The following MED25 variants were observed in gnomAD, a reference collection of about 807,000 sequenced individuals.
MED25 encodes mediator of RNA polymerase II transcription subunit 25.
Under a neutral mutation model 89.4 loss-of-function variants are expected in MED25, and 62 were observed. The observed-to-expected ratio is 0.69, with a 90% CI of 0.57 to 0.86. The LOEUF (loss-of-function observed/expected upper bound fraction) is 0.86. Ranked by LOEUF, MED25 falls within the 40% of genes least tolerant of loss-of-function variation. The probability of loss-of-function intolerance (pLI) is 0.00; values close to 1 mark genes in which losing one functional copy is unlikely to be tolerated. For missense variants in MED25, 905 were observed against 1,005.2 expected (o/e 0.90, Z 1.35); for synonymous variants, 449 against 427.9 (o/e 1.05, Z -0.61).
chr19:49,837,067 A>G (rs1050420594), downstream of MED25: 5 of 839,422 alleles, frequency 6.0e-6, no homozygotes, highest in Non-Finnish European at 8.0e-6. Context: ...ACTTCAGCAG[A>G]CATCCCTGGG....
intron 12 of MED25, 69 bp downstream of exon 12, chr19:49,832,226 T>C: frequency 6.4e-7 from 1 of 1,563,178 alleles, no homozygotes; most frequent in Non-Finnish European, 8.7e-7. Flanking sequence ...TCCTGTTCCC[T>C]GCCCCACCCC....
At chr19:49,822,192 G>A (rs1266438028) in intron 3 of MED25, among the ~76,000 whole-genome samples, 3 of 150,986 alleles carry the variant, frequency 2.0e-5, no homozygotes, top group African/African-American at 4.9e-5. Flanking sequence ...GAACCCAGGA[G>A]GCGGAGTTTG....
At chr19:49,832,712 C>G (rs1385929339) in intron 13 of MED25, among the ~76,000 whole-genome samples, 2 of 152,178 alleles carry the variant, frequency 1.3e-5, no homozygotes, top group Non-Finnish European at 2.9e-5. Flanking sequence ...TTTCCTGTGG[C>G]TGTGGTAACA....
In MED25 at chr19:49,836,621, G is replaced by A; in HGVS notation, c.2146+215G>A. 1 of 747,732 alleles carries A rather than the reference G, an allele frequency of 1.3e-6. No homozygotes were observed. The allele number at this position is 747,732 out of a possible 1,614,324, so 46.3% of individuals were successfully genotyped here. A position where few individuals can be genotyped will look rare whatever the true frequency, so the allele number is the denominator to read the frequency against. On this transcript the variant is annotated intron_variant, in intron 17 of 17. Coordinates refer to ENST00000312865, the MANE Select transcript of MED25 (RefSeq NM_030973.4). The surrounding 1 kb of genome is among the most constrained non-coding windows in gnomAD (Gnocchi z 5.1). ...TAAGAGCGTTTCCCATGATCCTCCTGTGTGTGCTCCTGGGATTGCTGGGAA... is the reference window on the plus strand; with the variant it reads ...TAAGAGCGTTTCCCATGATCCTCCTATGTGTGCTCCTGGGATTGCTGGGAA...
chr19:49,819,015 G>T (rs190621196), intron 2 of MED25, 157 bp from the exon 3 acceptor site: 67 of 934,758 alleles, frequency 7.2e-5, no homozygotes, highest in Non-Finnish European at 1.0e-4. Context: ...GGGTCTGAGG[G>T]AGAAGGGGCT....
At chr19:49,824,365 C>T (rs530943216) in intron 3 of MED25, among the ~76,000 whole-genome samples, 166 of 152,182 alleles carry the variant, frequency 1.1e-3, no homozygotes, top group African/African-American at 3.9e-3. Flanking sequence ...TTGGCACCCA[C>T]GGGGCTTCAG....
In MED25 at chr19:49,818,333, G is replaced by A. The variant is rs753493326; in HGVS notation, c.-9G>A. ...GGCTGCAGTGGTGGTGGCGGGTACC[G>A]CACGGGGTATGGTCCCCGGGTCCGA... is the stretch of plus-strand genomic sequence containing the variant. On this transcript the variant is annotated 5_prime_UTR_variant, in exon 1 of 18. Coordinates refer to ENST00000312865, the MANE Select transcript of MED25 (RefSeq NM_030973.4). The A allele has an allele frequency of 1.0e-5, 16 of 1,571,920 alleles. No homozygotes were observed. In the South Asian group the frequency reaches 1.5e-4, roughly 14 times the overall value.
chr19:49,836,204 G>C lies in MED25; in HGVS notation c.1966-22G>C, dbSNP rs764650562. The C allele has an allele frequency of 5.0e-6, 8 of 1,610,756 alleles. No homozygotes were observed. The South Asian group carries it at 8.8e-5, about 18-fold the overall frequency. On this transcript the variant is annotated intron_variant, in intron 16 of 17. Coordinates refer to ENST00000312865, the MANE Select transcript of MED25 (RefSeq NM_030973.4). This position sits in a 1 kb window ranked among gnomAD's most constrained non-coding sequence, Gnocchi z 5.1. ...GGGAGTCTCTACCAGGAGCCTCTGAGCCACTCTCTGTGTTCTCCCAGCCGC... is the reference window on the plus strand; with the variant it reads ...GGGAGTCTCTACCAGGAGCCTCTGACCCACTCTCTGTGTTCTCCCAGCCGC...
rs1204577575 is a variant in MED25 at position 49,828,527 on chromosome 19, C to T, written c.384C>T (p.Phe128=). Residue 128 remains phenylalanine, a synonymous_variant, in exon 4 of 18, where the codon TTC becomes TTT. Coordinates refer to ENST00000312865, the MANE Select transcript of MED25 (RefSeq NM_030973.4). ...LSTALQLFDD[F]KKMREQIGQT... is the part of the protein sequence containing the mutation. ...CAGCCTTGCAGCTGTTTGATGACTT[C>T]AAGAAGATGCGCGAGCAGATGTGAG... The T allele has an allele frequency of 1.2e-6, 2 of 1,613,836 alleles. No homozygotes were observed. Among genetic ancestry groups the T allele is most frequent in the Non-Finnish European group, 1.7e-6 (2 of 1,179,838 alleles).
chr19:49,826,137 G>A (rs1322859376), intron 3 of MED25, among the ~76,000 whole-genome samples: 3 of 152,046 alleles, frequency 2.0e-5, no homozygotes, highest in Non-Finnish European at 2.9e-5. Context: ...TCAGGAGTTC[G>A]AGACCATCCC....
downstream of MED25, among the ~76,000 whole-genome samples, chr19:49,837,684 G>A (rs1282445729): frequency 2.6e-5 from 4 of 152,166 alleles, no homozygotes; most frequent in Non-Finnish European, 5.9e-5. Context: ...GGTAGGTGGT[G>A]GGGCTCCTGG....
At chr19:49,826,850 A>G (rs1244566568) in intron 3 of MED25, among the ~76,000 whole-genome samples, 1 of 152,084 alleles carries the variant, frequency 6.6e-6, no homozygotes, top group East Asian at 1.9e-4. Flanking sequence ...GAGAGGACCT[A>G]TAGGTGCGGG....
Position 49,818,415 on chromosome 19 carries a change from C to A in MED25, c.74C>A (p.Thr25Lys). The change falls in exon 1 of 18, where the codon ACG (threonine) becomes AAG (lysine). Residue 25 changes from threonine to lysine, a missense_variant. Thr to Lys is a moderately conservative substitution (Grantham distance 78). Coordinates refer to ENST00000312865, the MANE Select transcript of MED25 (RefSeq NM_030973.4). ...VADVVFVIEG[T>K]ANLGPYFEGL... is the part of the protein sequence containing the mutation. ...GACGTGGTGTTTGTGATTGAGGGTA[C>A]GGCCAACCTGGGACCCTACTTCGAG... 1 of 1,613,954 alleles carries A rather than the reference C, an allele frequency of 6.2e-7. No individual in the cohort carries two copies. Among genetic ancestry groups the A allele is most frequent in the Non-Finnish European group, 8.5e-7 (1 of 1,179,964 alleles).
chr19:49,824,118 A>C (rs2074000488), intron 3 of MED25, among the ~76,000 whole-genome samples: 1 of 152,110 alleles, frequency 6.6e-6, no homozygotes, highest in Admixed American at 6.6e-5. Context: ...GGTACACAGG[A>C]GGCCTCGGGT....
Position 49,835,282 on chromosome 19 carries a change from A to C in MED25, c.1674+105A>C. Reference sequence around the variant, plus strand: ...CCAAGATGCCCACCCTTCTCCCAATATGTGGTGCCTCCAAGCTAAGTCCCA... The same window carrying C: ...CCAAGATGCCCACCCTTCTCCCAATCTGTGGTGCCTCCAAGCTAAGTCCCA... On this transcript the variant is annotated intron_variant, in intron 14 of 17. Transcript: ENST00000312865. This position sits in a 1 kb window ranked among gnomAD's most constrained non-coding sequence, Gnocchi z 6.2. 2 of 1,252,678 alleles carry C rather than the reference A, an allele frequency of 1.6e-6. No individual in the cohort carries two copies. The highest frequency in any genetic ancestry group is 2.3e-6 in the Non-Finnish European group (2 of 854,274). 77.6% of individuals were successfully genotyped at this position (1,252,678 alleles called of 1,614,324 possible). A position where few individuals can be genotyped will look rare whatever the true frequency, so the allele number is the denominator to read the frequency against.
chr19:49,834,803 CCCTGAGCGCCTCAGTTTCTGTCT>C lies in MED25; in HGVS notation c.1483-180_1483-158del. ...AGTGGGCAGCTGGAACCCTAGCTTG[CCCTGAGCGCCTCAGTTTCTGTCT>C]CCAGAGCAACCCATAGCACACCTGT... On this transcript the variant is annotated intron_variant, in intron 13 of 17. Transcript: ENST00000312865. The surrounding 1 kb of genome is among the most constrained non-coding windows in gnomAD (Gnocchi z 4.1). 1 of 638,308 alleles carries C rather than the reference CCCTGAGCGCCTCAGTTTCTGTCT, an allele frequency of 1.6e-6. No individual in the cohort carries two copies. The allele number at this position is 638,308 out of a possible 1,614,324, so 39.5% of individuals were successfully genotyped here.
rs187016816 is a variant in MED25 at position 49,833,168 on chromosome 19, G to A, written c.1482+753G>A. The A allele has an allele frequency of 8.9e-4, 136 of 152,846 alleles. 1 individual carries two copies. Among genetic ancestry groups the A allele is most frequent in the Non-Finnish European group, 1.5e-3 (104 of 68,400 alleles). The allele number at this position is 152,846 out of a possible 1,614,324, so 9.5% of individuals were successfully genotyped here. On this transcript the variant is annotated intron_variant, in intron 13 of 17. Coordinates refer to ENST00000312865, the MANE Select transcript of MED25 (RefSeq NM_030973.4). ...GTCAGCCAGGCTGGAGTGCAGTGGT[G>A]CAATCTTGGCTCACAGCAACTTCCG...
At chr19:49,828,689 C>T (rs2074032141) in intron 4 of MED25, 142 bp downstream of exon 4, 6 of 914,924 alleles carry the variant, frequency 6.6e-6, no homozygotes, top group East Asian at 2.6e-5. Context: ...CAGGAGGCTG[C>T]AGGTGTGTCC....
chr19:49,831,751 GC>G lies in MED25; in HGVS notation c.1231-183del, dbSNP rs563678816. Reference sequence around the variant, plus strand: ...GCACAGTGGATGGTGGGATTTAGGGGCCGGGCACGTAGCTGTAACATTTGAG... The same window carrying G: ...GCACAGTGGATGGTGGGATTTAGGGGCGGGCACGTAGCTGTAACATTTGAG... On this transcript the variant is annotated intron_variant, in intron 10 of 17. Transcript: ENST00000312865. The surrounding 1 kb of genome is among the most constrained non-coding windows in gnomAD (Gnocchi z 5.0). Among the ~76,000 whole-genome samples, 2 of 152,038 alleles carry G rather than the reference GC, an allele frequency of 1.3e-5. No individual in the cohort carries two copies. Among genetic ancestry groups the G allele is most frequent in the Non-Finnish European group, 2.9e-5 (2 of 67,986 alleles).
Sources: allele counts gnomAD v4.1 joint callset (sites outside exome capture counted in the v4.1 genomes callset), GRCh38; gene constraint gnomAD v4.1.1; non-coding constraint Gnocchi (gnomAD v3.1); transcripts MANE v1.5; gene names NCBI Gene and HGNC (gene_info 2026-07-23, HGNC 2026-07-21).